DOK4: variants seen among roughly 807,000 people sequenced by gnomAD.
DOK4 encodes docking protein 4, also known as downstream of tyrosine kinase 4.
DOK4 carries 26 observed loss-of-function variants against 40.1 expected under a neutral mutation model. That is an observed-to-expected ratio of 0.65 (90% CI 0.48 to 0.90). The LOEUF (loss-of-function observed/expected upper bound fraction) is 0.90, where lower values mean the gene tolerates loss of function less well. DOK4 is among the 40% of genes least tolerant of loss of function. The pLI is 0.00. For missense variants in DOK4, 392 were observed against 437.2 expected (o/e 0.90, Z 0.92); for synonymous variants, 179 against 177.0 (o/e 1.01, Z -0.09).
Position 57,485,494 on chromosome 16 carries a change from C to T in DOK4, c.-182+811G>A, listed in dbSNP as rs1346846474. On this transcript the variant is annotated intron_variant, in intron 1 of 8. Transcript: ENST00000340099. This position sits in a 1 kb window ranked among gnomAD's most constrained non-coding sequence, Gnocchi z 4.3. ...CTGCCCTAAGCAAGCCCACCTCACA[C>T]TGCCCAAGTGGAGTCTCCTAGAGAT... is the stretch of plus-strand genomic sequence containing the variant. 8.5e-5 allele frequency among the ~76,000 whole-genome samples: 13 copies of T among 152,198 alleles called. No individual in the cohort carries two copies. The highest frequency in any genetic ancestry group is 3.1e-4 in the African/African-American group (13 of 41,456).
rs1567586852 is a variant in DOK4 at position 57,473,596 on chromosome 16, G to C, written c.862+17C>G. The stretch of plus-strand genomic sequence containing the variant: ...AAGCCTCCTGGCAGGTGGGTGTGGG[G>C]CATGGAAGCGACTCACCAGCATAGC... On this transcript the variant is annotated intron_variant, in intron 8 of 8. Transcript: ENST00000340099. 6.2e-7 allele frequency: 1 copy of C among 1,614,138 alleles called. No individual in the cohort carries two copies. The highest frequency in any genetic ancestry group is 1.3e-5 in the African/African-American group (1 of 74,954).
At chr16:57,481,408 G>A (rs774462605) in intron 1 of DOK4, 9 of 152,238 alleles carry the variant, frequency 5.9e-5, no homozygotes, top group Non-Finnish European at 1.0e-4. Context: ...CCTCCTATAA[G>A]GTCTGGTCTG....
chr16:57,485,006 C>A lies in DOK4; in HGVS notation c.-182+1299G>T, dbSNP rs1212161655. On this transcript the variant is annotated intron_variant, in intron 1 of 8. Transcript: ENST00000340099. The surrounding 1 kb of genome is among the most constrained non-coding windows in gnomAD (Gnocchi z 4.3). ...ATGCTCAATATTTGGGGGCTGAACA[C>A]GTAATTCTCTCCAGGACTTGTCCTC... Among the ~76,000 whole-genome samples the A allele has an allele frequency of 1.3e-5, 2 of 152,210 alleles. No individual in the cohort carries two copies. The highest frequency in any genetic ancestry group is 3.9e-4 in the East Asian group (2 of 5,190).
At chr16:57,475,528 T>C in exon 4 of DOK4, 1 of 1,608,552 alleles carries the variant, frequency 6.2e-7, no homozygotes, top group Non-Finnish European at 8.5e-7. Flanking sequence ...TGAAGGTACG[T>C]GCCGAGTCAT....
chr16:57,473,676 G>A (rs201788150), exon 8 of DOK4: 37 of 1,614,218 alleles, frequency 2.3e-5, no homozygotes, highest in East Asian at 4.5e-5. Context: ...TAGGCACTGC[G>A]CGGCAGCATG....
intron 1 of DOK4, among the ~76,000 whole-genome samples, chr16:57,480,892 A>T (rs2031388623): frequency 6.6e-6 from 1 of 152,206 alleles, no homozygotes; most frequent in Admixed American, 6.5e-5. Flanking sequence ...AGAGCCAGGG[A>T]TGAAGGAGAA....
chr16:57,474,900 G>A, exon 6 of DOK4: 1 of 1,614,184 alleles, frequency 6.2e-7, no homozygotes, highest in Non-Finnish European at 8.5e-7. Flanking sequence ...CCCAGAGGTA[G>A]ATGTTCTCGT....
rs111834942 is a variant in DOK4, at chr16:57,475,157, C to T, written c.352G>A (p.Asp118Asn). Residue 118 changes from aspartate (D) to asparagine (N), a missense_variant, in exon 5 of 9, where the codon GAC becomes AAC. Transcript: ENST00000340099. Reference sequence around the variant, plus strand: ...AGGTCAGGTTCTCCCAGACTGATGTCGTTGAGGCGGGACCCCAGACACTCC... The same window carrying T: ...AGGTCAGGTTCTCCCAGACTGATGTTGTTGAGGCGGGACCCCAGACACTCC... The T allele has an allele frequency of 2.3e-4, 373 of 1,613,836 alleles. No individual in the cohort carries two copies. Among genetic ancestry groups the T allele is most frequent in the Non-Finnish European group, 3.0e-4 (353 of 1,179,956 alleles).
intron 2 of DOK4, 138 bp from the exon 3 acceptor site, chr16:57,476,095 G>T: frequency 1.5e-6 from 1 of 686,314 alleles, no homozygotes; most frequent in Non-Finnish European, 2.5e-6. Context: ...GGACACCGGG[G>T]GTGGGAGTCA....
exon 9 of DOK4, chr16:57,473,489 C>T: frequency 6.2e-7 from 1 of 1,614,184 alleles, no homozygotes; most frequent in Non-Finnish European, 8.5e-7. Context: ...TGCCCCATAC[C>T]CCTCACCTGT....
intron 1 of DOK4, 59 bp downstream of exon 1, chr16:57,486,246 A>T (rs561434029): frequency 6.6e-6 from 1 of 151,284 alleles, no homozygotes; most frequent in East Asian, 2.0e-4. Context: ...AGTCGCCGAG[A>T]CTCTTGCAGG....
chr16:57,483,059 G>A (rs914657255), intron 1 of DOK4, among the ~76,000 whole-genome samples: 17 of 152,304 alleles, frequency 1.1e-4, no homozygotes, highest in Non-Finnish European at 2.1e-4. Flanking sequence ...AGCTCACTCC[G>A]GCCCTGAGTC....
intron 2 of DOK4, 94 bp from the exon 3 acceptor site, chr16:57,476,051 G>A: frequency 9.5e-7 from 1 of 1,053,352 alleles, no homozygotes; most frequent in East Asian, 2.6e-5. Flanking sequence ...ACAGGGGGCG[G>A]TGCCGCACAG....
chr16:57,482,298 A>G (rs1440512956), intron 1 of DOK4, among the ~76,000 whole-genome samples: 3 of 151,006 alleles, frequency 2.0e-5, no homozygotes, highest in African/African-American at 7.3e-5. Flanking sequence ...AATAGCTGGG[A>G]CCGCAGGTAC....
chr16:57,480,218 T>C (rs964251593), intron 1 of DOK4: 3 of 152,154 alleles, frequency 2.0e-5, no homozygotes, highest in Non-Finnish European at 4.4e-5. Flanking sequence ...TGCTCTGCAA[T>C]GTTAAAGACA....
chr16:57,474,908 C>T (rs867502529), exon 6 of DOK4: 3 of 1,614,092 alleles, frequency 1.9e-6, no homozygotes, highest in Non-Finnish European at 2.5e-6. Flanking sequence ...TAGATGTTCT[C>T]GTGGGTGATC....
chr16:57,475,153 A>C, exon 5 of DOK4: 3 of 1,613,676 alleles, frequency 1.9e-6, no homozygotes, highest in Non-Finnish European at 2.5e-6. Flanking sequence ...TCCCAGACTG[A>C]TGTCGTTGAG....
intron 2 of DOK4, among the ~76,000 whole-genome samples, chr16:57,476,615 C>T (rs1315419081): frequency 2.6e-5 from 4 of 152,178 alleles, no homozygotes; most frequent in Non-Finnish European, 2.9e-5. Flanking sequence ...CTGGGGCTTT[C>T]ACTCACCCTC....
chr16:57,472,552 G>C (rs183868025), exon 9 of DOK4: 32 of 152,732 alleles, frequency 2.1e-4, no homozygotes, highest in East Asian at 1.4e-3. Context: ...CAGTGAGAGG[G>C]GGGCAGCAGG....
Sources: gnomAD v4.1 joint callset for allele counts (sites outside exome capture counted in the v4.1 genomes callset) on GRCh38, gnomAD v4.1.1 for gene constraint, Gnocchi (gnomAD v3.1) non-coding constraint, MANE v1.5 for transcripts, NCBI Gene and HGNC (gene_info 2026-07-23, HGNC 2026-07-21) for gene names.